The following BPTF variants were observed in gnomAD, a reference collection of about 807,000 sequenced individuals.
The protein encoded by BPTF is bromodomain PHD finger transcription factor.
In BPTF, 18 loss-of-function variants were observed where a neutral mutation model predicts 292.5. The observed-to-expected ratio is 0.06, with a 90% CI of 0.04 to 0.09. The LOEUF (loss-of-function observed/expected upper bound fraction) is 0.09, where lower values mean the gene tolerates loss of function less well. BPTF is among the 10% of genes least tolerant of loss of function. The probability of loss-of-function intolerance (pLI) is 1.00; values close to 1 mark genes in which losing one functional copy is unlikely to be tolerated. For missense variants in BPTF, 2,726 were observed against 3,498.7 expected, an observed-to-expected ratio of 0.78 and a Z score of 5.57; for synonymous variants, 1,225 against 1,251.9, an observed-to-expected ratio of 0.98 and a Z score of 0.45.
intron 7 of BPTF, among the ~76,000 whole-genome samples, chr17:67,897,124 C>G (rs562464513): frequency 6.6e-6 from 1 of 151,008 alleles, no homozygotes; most frequent in Non-Finnish European, 1.5e-5. Flanking sequence ...GTCGGGAATT[C>G]GAGACCAGCC....
chr17:67,859,221 C>T (rs2058925045), intron 2 of BPTF, among the ~76,000 whole-genome samples: 1 of 152,208 alleles, frequency 6.6e-6, no homozygotes, highest in African/African-American at 2.4e-5. Context: ...TCATGGCTCA[C>T]TGCAGCGTCA....
At chr17:67,908,181 CAG>C (rs770936416) in intron 9 of BPTF, among the ~76,000 whole-genome samples, 2 of 152,028 alleles carry the variant, frequency 1.3e-5, no homozygotes, top group Non-Finnish European at 2.9e-5. Context: ...ATGTGTGTGA[CAG>C]AGTCTTGCTC....
chr17:67,939,618 C>T (rs1418971521), intron 18 of BPTF, among the ~76,000 whole-genome samples: 3 of 152,216 alleles, frequency 2.0e-5, no homozygotes, highest in African/African-American at 7.2e-5. Flanking sequence ...TTGCTCATGC[C>T]TGTAATCCCA....
chr17:67,862,085 T>A (rs1055969697), intron 2 of BPTF, among the ~76,000 whole-genome samples: 1 of 152,084 alleles, frequency 6.6e-6, no homozygotes, highest in Admixed American at 6.6e-5. Flanking sequence ...AAGTGATTCT[T>A]CTGCCTCAGC....
chr17:67,898,671 TTTTTTGAAGATG>T (rs200323408), intron 7 of BPTF, among the ~76,000 whole-genome samples: 3,127 of 151,866 alleles, frequency 0.021, 111 homozygotes, highest in African/African-American at 0.072. Flanking sequence ...CTTTTTTTTT[TTTTTTGAAGATG>T]TATTGCAAAC....
At chr17:67,980,489 G>T (rs1274099923) in intron 27 of BPTF, among the ~76,000 whole-genome samples, 9 of 152,216 alleles carry the variant, frequency 5.9e-5, no homozygotes, top group South Asian at 2.1e-4. Flanking sequence ...GTACATCGTG[G>T]TTATTCCTCT....
intron 7 of BPTF, among the ~76,000 whole-genome samples, chr17:67,898,921 C>CA (rs58991615): frequency 0.31 from 24,888 of 79,566 alleles, 3,089 homozygotes; most frequent in East Asian, 0.69. Context: ...TACCCTGTCT[C>CA]AAAAAAAAAA....
chr17:67,913,305 G>A, intron 11 of BPTF, 118 bp downstream of exon 11: 1 of 1,412,656 alleles, frequency 7.1e-7, no homozygotes, highest in Non-Finnish European at 9.4e-7. Flanking sequence ...CATATTAATG[G>A]CCAAAGATAG....
intron 1 of BPTF, among the ~76,000 whole-genome samples, chr17:67,833,186 A>T (rs1173960379): frequency 6.6e-6 from 1 of 151,920 alleles, no homozygotes; most frequent in Non-Finnish European, 1.5e-5. Context: ...AGCGTTATGC[A>T]TATCTTAACA....
chr17:67,898,758 A>G (rs2061620575), intron 7 of BPTF, among the ~76,000 whole-genome samples: 2 of 151,692 alleles, frequency 1.3e-5, no homozygotes, highest in South Asian at 2.1e-4. Flanking sequence ...TGGAACAAAA[A>G]AGATACCCAC....
At chr17:67,947,835 C>CT in intron 22 of BPTF, 27 bp downstream of exon 22, 1 of 1,537,936 alleles carries the variant, frequency 6.5e-7, no homozygotes, top group Non-Finnish European at 8.8e-7. Flanking sequence ...GTCTTGTTGT[C>CT]TGTCCGTCTC....
At position 67,945,843 on chromosome 17, in the gene BPTF, C is replaced by T. The variant is rs372837861; in HGVS notation, c.7135C>T (p.Pro2379Ser). The T allele has an allele frequency of 4.0e-5, 65 of 1,614,098 alleles. No individual in the cohort carries two copies. Among genetic ancestry groups the T allele is most frequent in the Non-Finnish European group, 4.7e-5 (56 of 1,180,048 alleles). Residue 2379 changes from proline (P) to serine (S), a missense_variant, in exon 21 of 28, where the codon CCA becomes TCA. This residue lies in a region of BPTF where 570 missense variants were observed against 633.5 expected (regional missense o/e 0.90). Transcript: ENST00000306378. ...AACCTCACAACCGATTCCAATTCAACCACATACATCTCTTCAGATACCTTC... is the reference window on the plus strand; with the variant it reads ...AACCTCACAACCGATTCCAATTCAATCACATACATCTCTTCAGATACCTTC... ...TTTSQPIPIQ[P>S]HTSLQIPSQG...
At chr17:67,885,567 G>A (rs1189727947) in intron 4 of BPTF, among the ~76,000 whole-genome samples, 3 of 152,182 alleles carry the variant, frequency 2.0e-5, no homozygotes, top group African/African-American at 7.2e-5. Context: ...TCCAGCCTGC[G>A]CAACAGAGTG....
chr17:67,966,400 A>G, intron 25 of BPTF, 172 bp from the exon 26 acceptor site: 2 of 543,120 alleles, frequency 3.7e-6, no homozygotes, highest in Non-Finnish European at 3.2e-6. Flanking sequence ...ATTATTGTAG[A>G]GGAAGCTCAT....
intron 1 of BPTF, among the ~76,000 whole-genome samples, chr17:67,828,759 C>T (rs1229497278): frequency 6.6e-6 from 1 of 152,126 alleles, no homozygotes; most frequent in East Asian, 1.9e-4. Flanking sequence ...AACTCCCGAC[C>T]TCAGTTGATC....
At chr17:67,942,144 C>T (rs1555672205) in intron 19 of BPTF, among the ~76,000 whole-genome samples, 1 of 151,994 alleles carries the variant, frequency 6.6e-6, no homozygotes, top group African/African-American at 2.4e-5. Flanking sequence ...GGGGAAACCC[C>T]GTTTCTACTA....
At chr17:67,934,935 A>G (rs2064787796) in intron 18 of BPTF, among the ~76,000 whole-genome samples, 1 of 151,960 alleles carries the variant, frequency 6.6e-6, no homozygotes, top group Admixed American at 6.6e-5. Flanking sequence ...AGATACATCA[A>G]ATATGTAATT....
Position 67,911,305 on chromosome 17 carries a change from T to C in BPTF, c.3421T>C (p.Ser1141Pro). Residue 1141 changes from serine (S) to proline (P), a missense_variant, in exon 11 of 28, where the codon TCA (serine) becomes CCA (proline). This residue lies in a region of BPTF where 713 missense variants were observed against 714.9 expected (regional missense o/e 1.00). Transcript: ENST00000306378. ...ACCTGAGGACTTGATTCAGGGATGT[T>C]CAGAAAGTGATTCCTCAGTTCTTAG... ...DQPEDLIQGC[S>P]ESDSSVLRMS... The C allele has an allele frequency of 6.2e-7, 1 of 1,614,140 alleles. No individual in the cohort carries two copies. Among genetic ancestry groups the C allele is most frequent in the Non-Finnish European group, 8.5e-7 (1 of 1,180,024 alleles).
intron 26 of BPTF, among the ~76,000 whole-genome samples, chr17:67,971,365 C>A (rs1292955506): frequency 6.6e-6 from 1 of 151,944 alleles, no homozygotes; most frequent in African/African-American, 2.4e-5. Flanking sequence ...AGGCGTGAGC[C>A]ACCGCACCTG....
Sources: gnomAD v4.1 joint callset for allele counts (sites outside exome capture counted in the v4.1 genomes callset) on GRCh38, gnomAD v4.1.1 for gene constraint, gnomAD v4.1.1 regional missense constraint, MANE v1.5 for transcripts, NCBI Gene and HGNC (gene_info 2026-07-23, HGNC 2026-07-21) for gene names.